The following ZFYVE21 variants were observed in gnomAD, a reference collection of about 807,000 sequenced individuals.
The protein encoded by ZFYVE21 is zinc finger FYVE-type containing 21.
Under a neutral mutation model 29.5 loss-of-function variants are expected in ZFYVE21, and 21 were observed. The observed-to-expected ratio is 0.71, with a 90% confidence interval of 0.50 to 1.02. ZFYVE21 has a LOEUF of 1.02. ZFYVE21 is among the 50% of genes least tolerant of loss of function. The probability of loss-of-function intolerance (pLI) is 0.00; values close to 1 mark genes in which losing one functional copy is unlikely to be tolerated. For synonymous variants in ZFYVE21, 151 were observed against 133.8 expected (o/e 1.13, Z -0.89); for missense variants, 326 against 335.4 (o/e 0.97, Z 0.22).
exon 7 of ZFYVE21, chr14:103,733,659 A>AACAT (rs1320452165): frequency 2.6e-5 from 4 of 152,642 alleles, no homozygotes; most frequent in African/African-American, 9.6e-5. Context: ...AACTATTTTG[A>AACAT]ACATACGGAC....
intron 5 of ZFYVE21, chr14:103,730,697 CCT>C (rs1192923309): frequency 2.0e-5 from 3 of 152,690 alleles, no homozygotes; most frequent in East Asian, 1.9e-4. Flanking sequence ...GGAACAGTCC[CCT>C]GACCTGAAGG....
At chr14:103,727,579 G>A (rs780256689) in intron 2 of ZFYVE21, 167 bp from the exon 3 acceptor site, 2 of 833,142 alleles carry the variant, frequency 2.4e-6, no homozygotes, top group Non-Finnish European at 2.0e-6. Flanking sequence ...TCCCCGCTGC[G>A]TGGTGGGGAG....
rs904121670 is a variant in ZFYVE21, at chr14:103,732,547, C to T, written c.527-73C>T. The T allele has an allele frequency of 6.3e-5, 94 of 1,495,066 alleles. 1 individual carries two copies. The African/African-American group carries it at 1.1e-3, about 17-fold the overall frequency. 92.6% of individuals were successfully genotyped at this position (1,495,066 alleles called of 1,614,324 possible). On this transcript the variant is annotated intron_variant, in intron 5 of 6. Transcript: ENST00000311141. ...CACAAGGTTAGGATGTGCTGGCCAC[C>T]GCCTTGGGGCTGGTGGCCGCCTGGG...
chr14:103,726,644 C>T lies in ZFYVE21; in HGVS notation c.139-148C>T, dbSNP rs530071447. On this transcript the variant is annotated intron_variant, in intron 1 of 6. Coordinates refer to ENST00000311141, the MANE Select transcript of ZFYVE21 (RefSeq NM_024071.4). Reference sequence around the variant, plus strand: ...GCCTGGGCACAGGCGGCCAGTCCACCGTCCTGCGTCACAACCCTGCCTGCC... The same window carrying T: ...GCCTGGGCACAGGCGGCCAGTCCACTGTCCTGCGTCACAACCCTGCCTGCC... The T allele has an allele frequency of 9.7e-5, 96 of 989,972 alleles. 2 individuals are homozygous for T. The Middle Eastern group carries it at 5.9e-3, about 61-fold the overall frequency. The allele number at this position is 989,972 out of a possible 1,614,324, so 61.3% of individuals were successfully genotyped here.
chr14:103,732,467 G>A, intron 5 of ZFYVE21, 153 bp from the exon 6 acceptor site: 3 of 884,090 alleles, frequency 3.4e-6, no homozygotes, highest in Non-Finnish European at 4.8e-6. Context: ...AGGAGATGGT[G>A]TTCCCTGGGT....
At chr14:103,721,386 C>T (rs1301953405) in intron 1 of ZFYVE21, among the ~76,000 whole-genome samples, 1 of 152,230 alleles carries the variant, frequency 6.6e-6, no homozygotes, top group Non-Finnish European at 1.5e-5. Context: ...CCCCGCTTCC[C>T]TTGAGACAGC....
chr14:103,722,776 GC>G (rs1337243055), intron 1 of ZFYVE21, among the ~76,000 whole-genome samples: 1 of 151,688 alleles, frequency 6.6e-6, no homozygotes, highest in Non-Finnish European at 1.5e-5. Flanking sequence ...CCGAGATTGT[GC>G]CACTGCACTC....
Position 103,716,011 on chromosome 14 carries a change from G to A in ZFYVE21, c.138+32G>A. 1.7e-6 allele frequency: 2 copies of A among 1,201,552 alleles called. No individual in the cohort carries two copies. Among genetic ancestry groups the A allele is most frequent in the Non-Finnish European group, 2.1e-6 (2 of 964,202 alleles). The allele number at this position is 1,201,552 out of a possible 1,614,324, so 74.4% of individuals were successfully genotyped here. On this transcript the variant is annotated intron_variant, in intron 1 of 6. Transcript: ENST00000311141. The surrounding 1 kb of genome is among the most constrained non-coding windows in gnomAD (Gnocchi z 4.8). ...GGCCGTCGCCCCGGCCAGCGCCTCCGACCCGCCCCGCCGCCCCGGCCCGGC... is the reference window on the plus strand; with the variant it reads ...GGCCGTCGCCCCGGCCAGCGCCTCCAACCCGCCCCGCCGCCCCGGCCCGGC...
At chr14:103,717,262 C>T (rs563398374) in intron 1 of ZFYVE21, among the ~76,000 whole-genome samples, 14 of 152,286 alleles carry the variant, frequency 9.2e-5, no homozygotes, top group East Asian at 3.9e-4. Context: ...AGACACTTTC[C>T]GCCAATCATC....
intron 5 of ZFYVE21, chr14:103,732,348 G>A (rs138491534): frequency 5.1e-4 from 173 of 336,452 alleles, no homozygotes; most frequent in African/African-American, 1.8e-3. Flanking sequence ...AAGGCCTCTC[G>A]TGGTGATGTG....
intron 1 of ZFYVE21, 132 bp from the exon 2 acceptor site, chr14:103,726,660 C>G (rs2083927488): frequency 1.7e-6 from 2 of 1,169,920 alleles, no homozygotes; most frequent in East Asian, 4.8e-5. Context: ...GCGTCACAAC[C>G]CTGCCTGCCT....
chr14:103,731,388 T>C (rs527242228), intron 5 of ZFYVE21: 8 of 150,566 alleles, frequency 5.3e-5, no homozygotes, highest in African/African-American at 2.0e-4. Flanking sequence ...TCACCTGAGG[T>C]TGGGAGTTCG....
At chr14:103,727,081 G>A (rs1680007986) in intron 2 of ZFYVE21, 1 of 484,956 alleles carries the variant, frequency 2.1e-6, no homozygotes, top group Non-Finnish European at 3.7e-6. Flanking sequence ...GAGTAGCTGG[G>A]ATTACAGGGG....
At chr14:103,726,754 C>G (rs779895743) in intron 1 of ZFYVE21, 38 bp from the exon 2 acceptor site, 3 of 1,613,166 alleles carry the variant, frequency 1.9e-6, no homozygotes, top group Non-Finnish European at 1.7e-6. Flanking sequence ...TGGTGAGTGA[C>G]CAAGCTGCGT....
At position 103,733,001 on chromosome 14, in the gene ZFYVE21, G is replaced by T; in HGVS notation, c.688G>T (p.Glu230Ter). Residue 230 changes from glutamate (E) to a stop codon, truncating the protein, a stop_gained, in exon 7 of 7, where the codon GAA becomes TAA. Transcript: ENST00000311141. LOFTEE classifies it high-confidence loss of function. ...AMHKAAKLLYESRDQ is the reference protein window; with the variant it reads ...AMHKAAKLLY ...TCTGCAGGCTGCCAAGCTCCTCTATGAATCTCGGGACCAGTAACTCTACGT... is the reference window on the plus strand; with the variant it reads ...TCTGCAGGCTGCCAAGCTCCTCTATTAATCTCGGGACCAGTAACTCTACGT... 1 of 1,614,136 alleles carries T rather than the reference G, an allele frequency of 6.2e-7. No individual in the cohort carries two copies. Among genetic ancestry groups the T allele is most frequent in the Non-Finnish European group, 8.5e-7 (1 of 1,180,050 alleles).
intron 3 of ZFYVE21, chr14:103,728,701 G>C (rs963845076): frequency 3.5e-6 from 2 of 572,320 alleles, no homozygotes. Flanking sequence ...AACCTGTCTA[G>C]AGCAGCGCCT....
In ZFYVE21 at chr14:103,726,816, G is replaced by A. The variant is rs766037904; in HGVS notation, c.163G>A (p.Ala55Thr). The A allele has an allele frequency of 1.5e-5, 24 of 1,613,932 alleles. No homozygotes were observed. The highest frequency in any genetic ancestry group is 2.2e-5 in the East Asian group (1 of 44,894). ...KECRRCMQCDAKFDFLTRKHH... is the reference protein window; with the variant it reads ...KECRRCMQCDTKFDFLTRKHH... ...GTGTCGGAGATGTATGCAGTGTGAC[G>A]CCAAGTTTGACTTTCTCACCAGAAA... is the stretch of plus-strand genomic sequence containing the variant. Residue 55 changes from alanine to threonine, a missense_variant, in exon 2 of 7, where the codon GCC becomes ACC. Coordinates refer to ENST00000311141, the MANE Select transcript of ZFYVE21 (RefSeq NM_024071.4).
chr14:103,717,719 G>C (rs1482077231), intron 1 of ZFYVE21, among the ~76,000 whole-genome samples: 1 of 152,216 alleles, frequency 6.6e-6, no homozygotes, highest in South Asian at 2.1e-4. Flanking sequence ...TACCCCTCCA[G>C]AGCCCCCCAC....
chr14:103,730,779 T>G (rs2083966555), intron 5 of ZFYVE21: 1 of 152,280 alleles, frequency 6.6e-6, no homozygotes, highest in Non-Finnish European at 1.5e-5. Context: ...CAAGGCCAGA[T>G]AGTAAACCTT....
Sources: allele counts gnomAD v4.1 joint callset (sites outside exome capture counted in the v4.1 genomes callset), GRCh38; gene constraint gnomAD v4.1.1; non-coding constraint Gnocchi (gnomAD v3.1); transcripts MANE v1.5; gene names NCBI Gene and HGNC (gene_info 2026-07-23, HGNC 2026-07-21).